Variants in SPAG9 observed in about 807,000 individuals in gnomAD.
SPAG9 encodes sperm associated antigen 9, also known as C-Jun-amino-terminal kinase-interacting protein 4.
SPAG9 carries 35 observed loss-of-function variants against 166.5 expected under a neutral mutation model. The ratio of observed to expected loss-of-function variants is 0.21; its 90% CI spans 0.16 to 0.28. SPAG9 has a LOEUF of 0.28. Among genes scored for constraint, SPAG9 ranks in the 10% least tolerant of loss-of-function variants. The pLI is 1.00. For missense variants in SPAG9, 1,235 were observed against 1,603.3 expected, an observed-to-expected ratio of 0.77 and a Z score of 3.92; for synonymous variants, 534 against 565.5, an observed-to-expected ratio of 0.94 and a Z score of 0.79.
intron 1 of SPAG9, among the ~76,000 whole-genome samples, chr17:51,096,901 T>A (rs1036817600): frequency 2.6e-5 from 4 of 152,236 alleles, no homozygotes; most frequent in African/African-American, 7.2e-5. Flanking sequence ...GAGAGATGTC[T>A]TTTTGTATGT....
At chr17:51,067,002 G>A (rs2047691967) in intron 2 of SPAG9, among the ~76,000 whole-genome samples, 1 of 152,064 alleles carries the variant, frequency 6.6e-6, no homozygotes, top group Non-Finnish European at 1.5e-5. Context: ...AACAGAAACT[G>A]TTTTATGACT....
At chr17:51,105,107 G>GATAAATAA (rs200736089) in intron 1 of SPAG9, among the ~76,000 whole-genome samples, 5,087 of 151,370 alleles carry the variant, frequency 0.034, 219 homozygotes, top group East Asian at 0.18. Flanking sequence ...AAAATAAATA[G>GATAAATAA]ATAAATAAAT....
In SPAG9 at chr17:51,041,633, T is replaced by C. The variant is rs1369050038; in HGVS notation, c.609A>G (p.Ser203=). 6.2e-7 allele frequency: 1 copy of C among 1,613,490 alleles called. No individual in the cohort carries two copies. The highest frequency in any genetic ancestry group is 8.5e-7 in the Non-Finnish European group (1 of 1,179,752). ...CAGCAGGTAATGGGAAAATTCCTAA[T>C]GATATAGGGCGTTCTTTTCTATTTG... ...HSRIRKERPI[S]LGIFPLPAGD... is the part of the protein sequence containing the mutation. The change falls in exon 5 of 30, where the codon TCA becomes TCG. Residue 203 remains serine, a synonymous_variant. Transcript: ENST00000262013.
chr17:51,045,070 C>CAACGGG (rs1230547029), intron 4 of SPAG9, among the ~76,000 whole-genome samples: 1 of 152,080 alleles, frequency 6.6e-6, no homozygotes, highest in African/African-American at 2.4e-5. Flanking sequence ...TAAAACCACC[C>CAACGGG]AACGGGGTAA....
At position 51,014,355 on chromosome 17, in the gene SPAG9, T is replaced by C; in HGVS notation, c.1092-2A>G. 6.2e-7 allele frequency: 1 copy of C among 1,605,628 alleles called. No individual in the cohort carries two copies. Among genetic ancestry groups the C allele is most frequent in the Non-Finnish European group, 8.5e-7 (1 of 1,176,070 alleles). On this transcript the variant is annotated splice_acceptor_variant, in intron 8 of 29. Transcript: ENST00000262013. LOFTEE classifies it high-confidence loss of function. ...TTCTCTATGCCTTTGGTGGGAGTGC[T>C]ATGCAACAAGAACAACAAAACCAAA...
intron 2 of SPAG9, among the ~76,000 whole-genome samples, chr17:51,076,846 T>C (rs533264421): frequency 6.6e-6 from 1 of 152,068 alleles, no homozygotes; most frequent in Non-Finnish European, 1.5e-5. Flanking sequence ...GTGTCTTTAG[T>C]GTTTGGTTCT....
At chr17:51,099,790 C>G in intron 1 of SPAG9, among the ~76,000 whole-genome samples, 1 of 66,966 alleles carries the variant, frequency 1.5e-5, no homozygotes, top group South Asian at 5.3e-4. Flanking sequence ...AAAAAAAAAA[C>G]TAGAAATTGT....
intron 2 of SPAG9, among the ~76,000 whole-genome samples, chr17:51,070,690 C>T (rs921142952): frequency 5.3e-5 from 8 of 151,780 alleles, no homozygotes; most frequent in South Asian, 2.1e-4. Context: ...ATGTATAAAA[C>T]GTGGATCAAG....
chr17:51,089,539 T>C (rs2048391899), intron 1 of SPAG9, among the ~76,000 whole-genome samples: 2 of 145,846 alleles, frequency 1.4e-5, no homozygotes, highest in Admixed American at 1.4e-4. Context: ...CCCCAAAAAA[T>C]ATTGAAATAA....
intron 1 of SPAG9, among the ~76,000 whole-genome samples, chr17:51,107,317 G>A (rs1000808943): frequency 1.3e-5 from 2 of 151,988 alleles, no homozygotes; most frequent in African/African-American, 4.8e-5. Context: ...GGGAGGCCAA[G>A]GCGGCAGATC....
chr17:51,090,480 T>C (rs1415208769), intron 1 of SPAG9, among the ~76,000 whole-genome samples: 6 of 152,230 alleles, frequency 3.9e-5, no homozygotes, highest in Non-Finnish European at 8.8e-5. Flanking sequence ...GAGTCCAGCC[T>C]GGGCAACAGA....
At position 50,966,293 on chromosome 17, in the gene SPAG9, T is replaced by C. The variant is rs760234541; in HGVS notation, c.3945A>G (p.Gln1315=). 6.2e-7 allele frequency: 1 copy of C among 1,612,592 alleles called. No individual in the cohort carries two copies. Among genetic ancestry groups the C allele is most frequent in the South Asian group, 1.1e-5 (1 of 91,034 alleles). ...KAERSHLIVW[Q]VMYGNE ...GGGCTCACTCATTGCCATACATCACTTGCCACACTATCAAGTGACTCCTTT... is the reference window on the plus strand; with the variant it reads ...GGGCTCACTCATTGCCATACATCACCTGCCACACTATCAAGTGACTCCTTT... Residue 1315 remains glutamine (Q), a synonymous_variant, in exon 30 of 30, where the codon CAA becomes CAG. Transcript: ENST00000262013.
chr17:50,983,790 G>T (rs1367815332), intron 24 of SPAG9, among the ~76,000 whole-genome samples: 1 of 152,024 alleles, frequency 6.6e-6, no homozygotes, highest in Non-Finnish European at 1.5e-5. Flanking sequence ...TCTATAAAAT[G>T]AGGATGACCA....
At chr17:50,970,903 A>G in intron 28 of SPAG9, 47 bp from the exon 29 acceptor site, 1 of 1,485,452 alleles carries the variant, frequency 6.7e-7, no homozygotes, top group Admixed American at 2.0e-5. Flanking sequence ...CACAGAAGGG[A>G]GGCTGTTTTG....
intron 6 of SPAG9, among the ~76,000 whole-genome samples, chr17:51,026,683 T>G (rs1205854287): frequency 2.0e-5 from 3 of 149,694 alleles, no homozygotes. Context: ...TCTTTTTTTT[T>G]TTTTTTTTTG....
At chr17:50,970,666 A>G (rs776036733) in intron 29 of SPAG9, 41 bp downstream of exon 29, 1 of 1,579,062 alleles carries the variant, frequency 6.3e-7, no homozygotes. Flanking sequence ...CCCAAGTCAT[A>G]GCACACAGTG....
chr17:51,109,326 T>C (rs2049040045), intron 1 of SPAG9, among the ~76,000 whole-genome samples: 1 of 152,084 alleles, frequency 6.6e-6, no homozygotes, highest in African/African-American at 2.4e-5. Context: ...AACCTCCACC[T>C]CCCAGGTTCA....
Position 50,995,532 on chromosome 17 carries a change from A to G in SPAG9, c.1970T>C (p.Val657Ala). The G allele has an allele frequency of 6.3e-7, 1 of 1,591,532 alleles. No homozygotes were observed. The highest frequency in any genetic ancestry group is 1.3e-5 in the African/African-American group (1 of 74,624). ...GWSLPQKYKQVTNGQGENKMK... is the reference protein window; with the variant it reads ...GWSLPQKYKQATNGQGENKMK... ...CTTATTTTCACCTTGACCATTGGTT[A>G]CCTAATAATGGTGGAAGGAGGAGTG... Residue 657 changes from valine to alanine, a missense_variant and splice_region_variant, in exon 17 of 30, where the codon GTA becomes GCA. By Grantham distance (64) the Val-to-Ala change is moderately conservative. Around this residue, in one of 6 missense-constraint regions of SPAG9, gnomAD observed 493 missense variants for 559.4 expected, o/e 0.88. Transcript: ENST00000262013.
rs767192775 is a variant in SPAG9 at position 51,031,766 on chromosome 17, T to C, written c.742-44A>G. ...ATAAAAGAGAAAAAAATTATGTGTTTACTAGGTTTTAACACAGCTGTAACT... is the reference window on the plus strand; with the variant it reads ...ATAAAAGAGAAAAAAATTATGTGTTCACTAGGTTTTAACACAGCTGTAACT... On this transcript the variant is annotated intron_variant, in intron 5 of 29. Transcript: ENST00000262013. 5 of 1,414,108 alleles carry C rather than the reference T, an allele frequency of 3.5e-6. No individual in the cohort carries two copies. In the African/African-American group the frequency reaches 7.1e-5, roughly 20 times the overall value. 87.6% of individuals were successfully genotyped at this position (1,414,108 alleles called of 1,614,324 possible).
Sources: gnomAD v4.1 joint callset for allele counts (sites outside exome capture counted in the v4.1 genomes callset) on GRCh38, gnomAD v4.1.1 for gene constraint, gnomAD v4.1.1 regional missense constraint, MANE v1.5 for transcripts, NCBI Gene and HGNC (gene_info 2026-07-23, HGNC 2026-07-21) for gene names.